ACTR3C: variants seen among roughly 807,000 people sequenced by gnomAD.
ACTR3C encodes the protein actin related protein 3C.
In ACTR3C, 18 loss-of-function variants were observed where a neutral mutation model predicts 26.3. That is an observed-to-expected ratio of 0.68 (90% CI 0.47 to 1.01). The LOEUF is 1.01. ACTR3C is among the 50% of genes least tolerant of loss of function. ACTR3C has a pLI of 0.00. For missense variants in ACTR3C, 184 were observed against 250.7 expected, an observed-to-expected ratio of 0.73 and a Z score of 1.80; for synonymous variants, 55 against 94.5, an observed-to-expected ratio of 0.58 and a Z score of 2.42.
the ACTR3C span, among the ~76,000 whole-genome samples, chr7:149,891,984 G>C: frequency 1.5e-5 from 2 of 130,610 alleles, no homozygotes; most frequent in African/African-American, 5.3e-5. Flanking sequence ...TGACAGGTTA[G>C]TCAACCTGTC....
At chr7:150,080,051 C>T in the ACTR3C span, among the ~76,000 whole-genome samples, 1 of 152,204 alleles carries the variant, frequency 6.6e-6, no homozygotes, top group South Asian at 2.1e-4. Context: ...AGAATGCTTG[C>T]TGAACTGCTT....
At chr7:149,950,568 C>T in the ACTR3C span, among the ~76,000 whole-genome samples, 1 of 151,672 alleles carries the variant, frequency 6.6e-6, no homozygotes, top group East Asian at 1.9e-4. Context: ...GCCCCTGAAC[C>T]ACACGTCCTC....
rs1237233035 is a variant in ACTR3C, at chr7:150,314,990, ATAT to A, written c.-52+8476_-52+8478del. Among the ~76,000 whole-genome samples the A allele has an allele frequency of 1.2e-4, 18 of 147,232 alleles. No individual in the cohort carries two copies. In the East Asian group the frequency reaches 2.7e-3, roughly 22 times the overall value. Reference sequence around the variant, plus strand: ...ATAATAAATAGTATTATTTTTAATAATATTATTAAATATTATTAAATAATAAAA... The same window carrying A: ...ATAATAAATAGTATTATTTTTAATAATATTAAATATTATTAAATAATAAAA... On this transcript the variant is annotated intron_variant, in intron 1 of 7. Coordinates refer to ENST00000683684, the MANE Select transcript of ACTR3C (RefSeq NM_001164458.2).
chr7:149,940,165 A>G, the ACTR3C span, among the ~76,000 whole-genome samples: 1 of 152,224 alleles, frequency 6.6e-6, no homozygotes, highest in African/African-American at 2.4e-5. Flanking sequence ...CTATACCTCC[A>G]TTAAATTCAA....
intron 1 of ACTR3C, among the ~76,000 whole-genome samples, chr7:150,319,205 CTTTTT>C (rs199647156): frequency 1.4e-5 from 2 of 140,750 alleles, no homozygotes; most frequent in Non-Finnish European, 3.1e-5. Flanking sequence ...ATTGCTTCTT[CTTTTT>C]TTTTTTTTTT....
the ACTR3C span, among the ~76,000 whole-genome samples, chr7:150,211,212 T>A: frequency 4.1e-4 from 62 of 149,902 alleles, 3 homozygotes; most frequent in African/African-American, 1.5e-3. Flanking sequence ...TGTTTTACTA[T>A]GGGATAGTTT....
the ACTR3C span, among the ~76,000 whole-genome samples, chr7:149,971,542 T>C: frequency 1.1e-3 from 174 of 152,354 alleles, 1 homozygote; most frequent in African/African-American, 4.0e-3. Context: ...AAAAGGAACA[T>C]AATTTAATAT....
the ACTR3C span, among the ~76,000 whole-genome samples, chr7:150,100,953 C>T: frequency 6.6e-6 from 1 of 151,578 alleles, no homozygotes. Context: ...GATCCACTTG[C>T]CTTGGTCTCC....
chr7:149,940,158 T>C, the ACTR3C span, among the ~76,000 whole-genome samples: 276 of 152,350 alleles, frequency 1.8e-3, 2 homozygotes, highest in African/African-American at 6.4e-3. Context: ...TACCTATCTA[T>C]ACCTCCATTA....
At chr7:149,971,357 C>T in the ACTR3C span, among the ~76,000 whole-genome samples, 1 of 152,136 alleles carries the variant, frequency 6.6e-6, no homozygotes, top group African/African-American at 2.4e-5. Flanking sequence ...AGAACAATGA[C>T]TTCCTTGTAA....
At chr7:150,221,221 G>C in the ACTR3C span, among the ~76,000 whole-genome samples, 2 of 152,270 alleles carry the variant, frequency 1.3e-5, no homozygotes, top group African/African-American at 4.8e-5. Flanking sequence ...GGGCAACAGA[G>C]TACATCCATT....
the ACTR3C span, among the ~76,000 whole-genome samples, chr7:150,035,200 A>G: frequency 0.016 from 1,369 of 85,286 alleles, 60 homozygotes; most frequent in South Asian, 0.02. Flanking sequence ...TCCCCGCCTC[A>G]CGGGGGGTGC....
At chr7:150,071,033 A>G in the ACTR3C span, among the ~76,000 whole-genome samples, 3 of 148,698 alleles carry the variant, frequency 2.0e-5, no homozygotes, top group Non-Finnish European at 4.5e-5. Context: ...TGACCTCATG[A>G]TCCACCTACC....
chr7:150,163,203 G>A, the ACTR3C span, among the ~76,000 whole-genome samples: 1 of 151,926 alleles, frequency 6.6e-6, no homozygotes. Context: ...TTCAGATAGA[G>A]GGTGGACAGG....
At chr7:150,098,966 A>G in the ACTR3C span, among the ~76,000 whole-genome samples, 2 of 150,426 alleles carry the variant, frequency 1.3e-5, no homozygotes, top group South Asian at 2.1e-4. Context: ...GGAATTTCCA[A>G]CTGTATCTTC....
the ACTR3C span, among the ~76,000 whole-genome samples, chr7:150,183,246 G>T: frequency 6.1e-5 from 9 of 148,706 alleles, no homozygotes; most frequent in African/African-American, 1.3e-4. Context: ...TGTGTTCCAG[G>T]TATAGCATTA....
At chr7:150,220,016 G>C in the ACTR3C span, among the ~76,000 whole-genome samples, 17 of 146,988 alleles carry the variant, frequency 1.2e-4, 1 homozygote, top group Non-Finnish European at 1.9e-4. Flanking sequence ...GCGGATGCAC[G>C]GGCAGAGCCC....
At chr7:150,049,500 C>T in the ACTR3C span, among the ~76,000 whole-genome samples, 1,015 of 152,300 alleles carry the variant, frequency 6.7e-3, 7 homozygotes, top group Non-Finnish European at 0.011. Context: ...GCTCCCTGCT[C>T]CTTCCGGGTT....
chr7:150,181,220 G>T, the ACTR3C span, among the ~76,000 whole-genome samples: 18 of 150,494 alleles, frequency 1.2e-4, 1 homozygote, highest in African/African-American at 4.3e-4. Context: ...AAAATATGTT[G>T]GTCTTAGCAA....
Sources: gnomAD v4.1 joint callset for allele counts (sites outside exome capture counted in the v4.1 genomes callset) on GRCh38, gnomAD v4.1.1 for gene constraint, MANE v1.5 for transcripts, NCBI Gene and HGNC (gene_info 2026-07-23, HGNC 2026-07-21) for gene names.